The following WASF3 variants were observed in gnomAD, a reference collection of about 807,000 sequenced individuals.
WASF3 encodes WASP family member 3, also known as actin-binding protein WASF3.
Under a neutral mutation model 46.6 loss-of-function variants are expected in WASF3, and 11 were observed. That is an observed-to-expected ratio of 0.24 (90% CI 0.15 to 0.39). The LOEUF (loss-of-function observed/expected upper bound fraction) is 0.39. Ranked by LOEUF, WASF3 falls within the 10% of genes least tolerant of loss-of-function variation. WASF3 has a pLI of 1.00. For synonymous variants in WASF3, 242 were observed against 259.7 expected, an observed-to-expected ratio of 0.93 and a Z score of 0.65; for missense variants, 576 against 669.8, an observed-to-expected ratio of 0.86 and a Z score of 1.55.
intron 1 of WASF3, among the ~76,000 whole-genome samples, chr13:26,576,073 G>A (rs189036126): frequency 7.7e-4 from 117 of 152,034 alleles, no homozygotes; most frequent in Non-Finnish European, 7.2e-4. Context: ...GTATCTTGGA[G>A]GTATATGTAT....
chr13:26,687,083 CTGT>C lies in WASF3; in HGVS notation c.*1243_*1245del, dbSNP rs1046295366. 16 of 152,370 alleles carry C rather than the reference CTGT, an allele frequency of 1.1e-4. No homozygotes were observed. Among genetic ancestry groups the C allele is most frequent in the African/African-American group, 3.6e-4 (15 of 41,578 alleles). 9.4% of individuals were successfully genotyped at this position (152,370 alleles called of 1,614,324 possible). A position where few individuals can be genotyped will look rare whatever the true frequency, so the allele number is the denominator to read the frequency against. On this transcript the variant is annotated 3_prime_UTR_variant, in exon 10 of 10. Coordinates refer to ENST00000335327, the MANE Select transcript of WASF3 (RefSeq NM_006646.6). ...TGCTGTGCCCTCACCTCCACCCTTC[CTGT>C]TGTTCCCACGTGGGCAATACCAGGG...
chr13:26,605,735 T>G (rs1249220299), intron 1 of WASF3, among the ~76,000 whole-genome samples: 2 of 152,216 alleles, frequency 1.3e-5, no homozygotes, highest in Non-Finnish European at 2.9e-5. Context: ...GAAACATCGA[T>G]TAGATAATCG....
chr13:26,580,431 G>C (rs1175839392), intron 1 of WASF3, among the ~76,000 whole-genome samples: 1 of 151,980 alleles, frequency 6.6e-6, no homozygotes, highest in African/African-American at 2.4e-5. Flanking sequence ...ACTTTCCATG[G>C]GCTTTGTCTA....
chr13:26,562,263 T>A lies in WASF3; in HGVS notation c.-109+4444T>A, dbSNP rs566141399. On this transcript the variant is annotated intron_variant, in intron 1 of 9. Transcript: ENST00000335327. Reference sequence around the variant, plus strand: ...TTTGAAAGGGAAGCAGATAATAGGCTCCCACACTGGGACTAAGAAGGATGG... The same window carrying A: ...TTTGAAAGGGAAGCAGATAATAGGCACCCACACTGGGACTAAGAAGGATGG... Among the ~76,000 whole-genome samples the A allele has an allele frequency of 2.0e-5, 3 of 152,062 alleles. No homozygotes were observed. In the South Asian group the frequency reaches 6.2e-4, roughly 32 times the overall value.
chr13:26,627,401 A>G (rs1264516342), intron 2 of WASF3, among the ~76,000 whole-genome samples: 1 of 152,120 alleles, frequency 6.6e-6, no homozygotes, highest in African/African-American at 2.4e-5. Flanking sequence ...GGTGGGGTGT[A>G]CATTTATTGC....
chr13:26,661,769 C>T (rs1288797578), intron 3 of WASF3, among the ~76,000 whole-genome samples: 2 of 152,196 alleles, frequency 1.3e-5, no homozygotes, highest in Admixed American at 6.5e-5. Context: ...CAACACTTTT[C>T]TGCGTTTTTG....
chr13:26,560,483 A>G (rs1879262724), intron 1 of WASF3, among the ~76,000 whole-genome samples: 1 of 152,260 alleles, frequency 6.6e-6, no homozygotes, highest in African/African-American at 2.4e-5. Flanking sequence ...AATACTGTAG[A>G]TGAAATATAT....
At chr13:26,581,567 C>T (rs1879981559) in intron 1 of WASF3, among the ~76,000 whole-genome samples, 1 of 151,826 alleles carries the variant, frequency 6.6e-6, no homozygotes, top group Admixed American at 6.6e-5. Context: ...ATCAGAGCAA[C>T]TCCCTTTTAG....
At chr13:26,649,813 G>A (rs1273722389) in intron 3 of WASF3, among the ~76,000 whole-genome samples, 2 of 152,148 alleles carry the variant, frequency 1.3e-5, no homozygotes, top group Admixed American at 6.5e-5. Flanking sequence ...GGGCACGGTG[G>A]CTCACACCTG....
At chr13:26,544,740 C>T in the WASF3 span, among the ~76,000 whole-genome samples, 1 of 152,278 alleles carries the variant, frequency 6.6e-6, no homozygotes, top group South Asian at 2.1e-4. Flanking sequence ...AGTCGGCTAC[C>T]ATGAGGACTG....
chr13:26,664,317 T>C (rs1361349603), intron 3 of WASF3, among the ~76,000 whole-genome samples: 1 of 152,234 alleles, frequency 6.6e-6, no homozygotes, highest in Non-Finnish European at 1.5e-5. Context: ...CTATTTAATA[T>C]TTGTTGCATG....
At chr13:26,675,174 A>G (rs1273958801) in intron 6 of WASF3, among the ~76,000 whole-genome samples, 1 of 152,070 alleles carries the variant, frequency 6.6e-6, no homozygotes, top group Admixed American at 6.5e-5. Context: ...ATCTTCTCCA[A>G]TGCCTTCTCA....
At position 26,625,380 on chromosome 13, in the gene WASF3, T is replaced by C. The variant is rs894388248; in HGVS notation, c.-11+12322T>C. 2.6e-5 allele frequency among the ~76,000 whole-genome samples: 4 copies of C among 152,178 alleles called. No homozygotes were observed. In the East Asian group the frequency reaches 5.8e-4, roughly 22 times the overall value. ...CCAGGAAAGCCAGTGGTGTAATTCA[T>C]TGTGCCTAGCTGATGGTATAACTCC... is the stretch of plus-strand genomic sequence containing the variant. On this transcript the variant is annotated intron_variant, in intron 2 of 9. Transcript: ENST00000335327.
At chr13:26,563,683 A>T (rs1790365937) in intron 1 of WASF3, among the ~76,000 whole-genome samples, 1 of 147,730 alleles carries the variant, frequency 6.8e-6, no homozygotes, top group Non-Finnish European at 1.5e-5. Context: ...AAAAAAGAAT[A>T]GTTTTTCCAT....
intron 1 of WASF3, among the ~76,000 whole-genome samples, chr13:26,591,490 A>T (rs1425472693): frequency 1.3e-5 from 2 of 152,050 alleles, no homozygotes; most frequent in Admixed American, 6.6e-5. Flanking sequence ...TCTGACAGTG[A>T]GGGAGGGAAA....
chr13:26,596,342 T>TA (rs1566045732), intron 1 of WASF3, among the ~76,000 whole-genome samples: 5 of 151,912 alleles, frequency 3.3e-5, no homozygotes, highest in African/African-American at 1.2e-4. Context: ...ACTTTTTTTT[T>TA]TAAAAAAAGC....
intron 1 of WASF3, among the ~76,000 whole-genome samples, chr13:26,567,988 T>G (rs1214849020): frequency 6.6e-6 from 1 of 151,940 alleles, no homozygotes; most frequent in Non-Finnish European, 1.5e-5. Flanking sequence ...GGAATGAACC[T>G]TATTTGGGGA....
chr13:26,543,757 G>T, the WASF3 span, among the ~76,000 whole-genome samples: 2 of 152,224 alleles, frequency 1.3e-5, no homozygotes, highest in Non-Finnish European at 2.9e-5. Context: ...ATTTCAGAAA[G>T]ATTGTGGGGC....
intron 9 of WASF3, 47 bp downstream of exon 9, chr13:26,683,021 T>C: frequency 6.4e-7 from 1 of 1,561,638 alleles, no homozygotes; most frequent in Non-Finnish European, 8.6e-7. Context: ...GCAAGAGGTT[T>C]CTTCATGTCT....
Sources: gnomAD v4.1 joint callset for allele counts (sites outside exome capture counted in the v4.1 genomes callset) on GRCh38, gnomAD v4.1.1 for gene constraint, MANE v1.5 for transcripts, NCBI Gene and HGNC (gene_info 2026-07-23, HGNC 2026-07-21) for gene names.